Variants in SYT7 observed in about 807,000 individuals in gnomAD.
SYT7 encodes synaptotagmin 7.
Under a neutral mutation model 75.1 loss-of-function variants are expected in SYT7, and 29 were observed. That is an observed-to-expected ratio of 0.39 (90% CI 0.29 to 0.53). The LOEUF is 0.53. Among genes scored for constraint, SYT7 ranks in the 20% least tolerant of loss-of-function variants. The pLI is 0.77. For missense variants in SYT7, 693 were observed against 953.2 expected, an observed-to-expected ratio of 0.73 and a Z score of 3.59; for synonymous variants, 376 against 401.7, an observed-to-expected ratio of 0.94 and a Z score of 0.76.
intron 1 of SYT7, among the ~76,000 whole-genome samples, chr11:61,569,338 G>A (rs2063858099): frequency 6.6e-6 from 1 of 152,150 alleles, no homozygotes; most frequent in South Asian, 2.1e-4. Context: ...TTCTGTCAGG[G>A]CAGGGGATGC....
At chr11:61,566,651 G>A (rs2063776930) in intron 1 of SYT7, among the ~76,000 whole-genome samples, 2 of 152,212 alleles carry the variant, frequency 1.3e-5, no homozygotes, top group African/African-American at 4.8e-5. Context: ...ATGGGGAGGG[G>A]GCTCTTCACC....
At chr11:61,545,340 ACAACC>A (rs1436597125) in intron 5 of SYT7, among the ~76,000 whole-genome samples, 1 of 152,238 alleles carries the variant, frequency 6.6e-6, no homozygotes, top group African/African-American at 2.4e-5. Flanking sequence ...CTGGGGTTTG[ACAACC>A]CAACCTCCAG....
chr11:61,524,894 C>T lies in SYT7; in HGVS notation c.1472-362G>A, dbSNP rs1435742623. ...CAGTGGCTGAGCAGCCTCTGCCAAT[C>T]GTCCCGAGGCGGGTCTGGGCAAGTG... is the stretch of plus-strand genomic sequence containing the variant. On this transcript the variant is annotated intron_variant, in intron 9 of 12. Transcript: ENST00000539008. The surrounding 1 kb of genome is among the most constrained non-coding windows in gnomAD (Gnocchi z 4.1). The T allele has an allele frequency of 3.4e-5, 6 of 174,432 alleles. No homozygotes were observed. The highest frequency in any genetic ancestry group is 1.4e-4 in the South Asian group (1 of 7,068). The allele number at this position is 174,432 out of a possible 1,614,324, so 10.8% of individuals were successfully genotyped here. A position where few individuals can be genotyped will look rare whatever the true frequency, so the allele number is the denominator to read the frequency against.
chr11:61,581,064 G>A lies in SYT7; in HGVS notation c.-244C>T. On this transcript the variant is annotated 5_prime_UTR_variant, in exon 1 of 13. Transcript: ENST00000539008. ...GCCGAGCCGCCTCCCTCCGGCCTGC[G>A]CGCCGCGTGTGCGCGCCGGAGCGTG... 2 of 528,366 alleles carry A rather than the reference G, an allele frequency of 3.8e-6. No individual in the cohort carries two copies. Among genetic ancestry groups the A allele is most frequent in the Non-Finnish European group, 4.8e-6 (2 of 414,842 alleles). 32.7% of individuals were successfully genotyped at this position (528,366 alleles called of 1,614,324 possible). A position where few individuals can be genotyped will look rare whatever the true frequency, so the allele number is the denominator to read the frequency against.
chr11:61,519,315 C>A (rs914515917), intron 12 of SYT7, among the ~76,000 whole-genome samples: 1 of 152,256 alleles, frequency 6.6e-6, no homozygotes, highest in Non-Finnish European at 1.5e-5. Flanking sequence ...CCGGCCTAAT[C>A]CTGCTTCGCA....
At chr11:61,567,266 T>C (rs993026884) in intron 1 of SYT7, among the ~76,000 whole-genome samples, 2 of 152,152 alleles carry the variant, frequency 1.3e-5, no homozygotes, top group Non-Finnish European at 2.9e-5. Flanking sequence ...TAAGATTCCC[T>C]CTACGAGATG....
chr11:61,522,957 T>C (rs1199445270), intron 12 of SYT7, 118 bp downstream of exon 12: 9 of 1,015,238 alleles, frequency 8.9e-6, no homozygotes, highest in Non-Finnish European at 1.4e-5. Flanking sequence ...GAGAGGAGAC[T>C]GATCCCAATC....
At chr11:61,549,237 C>G (rs1170898713) in intron 3 of SYT7, among the ~76,000 whole-genome samples, 2 of 152,190 alleles carry the variant, frequency 1.3e-5, no homozygotes, top group Admixed American at 1.3e-4. Context: ...TTCTGAAGAG[C>G]TCCAGGGTCT....
chr11:61,571,220 A>T (rs1207182948), intron 1 of SYT7, among the ~76,000 whole-genome samples: 4 of 152,344 alleles, frequency 2.6e-5, no homozygotes, highest in Admixed American at 2.0e-4. Flanking sequence ...CTCTGCACAG[A>T]CACACCTACC....
chr11:61,558,867 C>T (rs781495659), intron 1 of SYT7, among the ~76,000 whole-genome samples: 2 of 152,158 alleles, frequency 1.3e-5, no homozygotes, highest in Non-Finnish European at 2.9e-5. Context: ...CTCAGCCTCC[C>T]GAATAGCTGG....
intron 1 of SYT7, among the ~76,000 whole-genome samples, chr11:61,560,419 T>G (rs1451800014): frequency 6.6e-6 from 1 of 152,152 alleles, no homozygotes; most frequent in East Asian, 1.9e-4. Context: ...GGGGTTGTGT[T>G]GCTAAGGAAA....
intron 12 of SYT7, among the ~76,000 whole-genome samples, chr11:61,521,445 G>A (rs1161792631): frequency 6.6e-6 from 1 of 152,202 alleles, no homozygotes; most frequent in Non-Finnish European, 1.5e-5. Context: ...TGCTTGGCAA[G>A]ACCCGAGCCC....
intron 6 of SYT7, chr11:61,541,137 A>C (rs779012419): frequency 3.0e-6 from 3 of 985,496 alleles, no homozygotes; most frequent in Non-Finnish European, 3.6e-6. Flanking sequence ...GAGGAGAGAC[A>C]GGATGCTCCG....
Position 61,580,161 on chromosome 11 carries a change from A to G in SYT7, c.31+629T>C, listed in dbSNP as rs1242611584. 6.7e-6 allele frequency among the ~76,000 whole-genome samples: 1 copy of G among 149,778 alleles called. No homozygotes were observed. The highest frequency in any genetic ancestry group is 1.5e-5 in the Non-Finnish European group (1 of 67,430). On this transcript the variant is annotated intron_variant, in intron 1 of 12. Coordinates refer to ENST00000539008, the MANE Select transcript of SYT7 (RefSeq NM_001365809.2). The surrounding 1 kb of genome is among the most constrained non-coding windows in gnomAD (Gnocchi z 6.1). ...TTGCTTCCCCCTCCCCAAACCTAGG[A>G]GAACATTCTCTTGGCACCCCCATTC...
At position 61,541,109 on chromosome 11, in the gene SYT7, G is replaced by A; in HGVS notation, c.941+1102C>T. The A allele has an allele frequency of 3.0e-6, 3 of 985,524 alleles. No homozygotes were observed. The South Asian group carries it at 1.4e-4, about 46-fold the overall frequency. 61.0% of individuals were successfully genotyped at this position (985,524 alleles called of 1,614,324 possible). On this transcript the variant is annotated intron_variant, in intron 6 of 12. Coordinates refer to ENST00000539008, the MANE Select transcript of SYT7 (RefSeq NM_001365809.2). ...GGCAGTGCTCCCATCTGCCCGGGAA[G>A]CCCTGGCTGAGGTCTCAGAGGAGAG...
rs191957013 is a variant in SYT7, at chr11:61,566,956, G to A, written c.32-10749C>T. 4.8e-3 allele frequency among the ~76,000 whole-genome samples: 735 copies of A among 152,304 alleles called. 18 individuals are homozygous for A. The highest frequency in any genetic ancestry group is 0.043 in the Admixed American group (663 of 15,304). On this transcript the variant is annotated intron_variant, in intron 1 of 12. Transcript: ENST00000539008. ...GCCCTTCCACCTGAGGCTTGGAGCC[G>A]TGAAGGCCACCAGAGCTAGAAATCT...
chr11:61,585,263 C>T (rs2064362945), upstream of SYT7, among the ~76,000 whole-genome samples: 1 of 152,216 alleles, frequency 6.6e-6, no homozygotes, highest in African/African-American at 2.4e-5. Flanking sequence ...TACCCCCACC[C>T]CCTTGGCTAT....
At chr11:61,562,236 C>G (rs1331734165) in intron 1 of SYT7, among the ~76,000 whole-genome samples, 2 of 152,150 alleles carry the variant, frequency 1.3e-5, no homozygotes, top group Non-Finnish European at 2.9e-5. Flanking sequence ...CTCTGAGTTC[C>G]CAGCATACTG....
chr11:61,557,818 A>C (rs2063537639), intron 1 of SYT7, among the ~76,000 whole-genome samples: 1 of 152,242 alleles, frequency 6.6e-6, no homozygotes, highest in African/African-American at 2.4e-5. Flanking sequence ...GCTGAGGAGC[A>C]CAGCTCTGCA....
Sources: gnomAD v4.1 joint callset for allele counts (sites outside exome capture counted in the v4.1 genomes callset) on GRCh38, gnomAD v4.1.1 for gene constraint, Gnocchi (gnomAD v3.1) non-coding constraint, MANE v1.5 for transcripts, NCBI Gene and HGNC (gene_info 2026-07-23, HGNC 2026-07-21) for gene names.